SEMA6A: variants seen among roughly 807,000 people sequenced by gnomAD.
The protein encoded by SEMA6A is semaphorin 6A, also known as semaphorin-6A.
Under a neutral mutation model 96.8 loss-of-function variants are expected in SEMA6A, and 25 were observed. The ratio of observed to expected loss-of-function variants is 0.26; its 90% confidence interval spans 0.19 to 0.36. The LOEUF is 0.36. Among genes scored for constraint, SEMA6A ranks in the 10% least tolerant of loss-of-function variants. SEMA6A has a pLI of 1.00. For missense variants in SEMA6A, 1,363 were observed against 1,323.1 expected (o/e 1.03, Z -0.47); for synonymous variants, 612 against 518.0 (o/e 1.18, Z -2.46).
At chr5:116,509,533 A>AAG (rs1311171821) in intron 1 of SEMA6A, among the ~76,000 whole-genome samples, 2 of 152,114 alleles carry the variant, frequency 1.3e-5, no homozygotes, top group East Asian at 3.9e-4. Flanking sequence ...AATAGTCTAT[A>AAG]AGATTCCTCC....
intron 1 of SEMA6A, among the ~76,000 whole-genome samples, chr5:116,531,977 G>A (rs1759497335): frequency 6.6e-6 from 1 of 152,054 alleles, no homozygotes; most frequent in Admixed American, 6.6e-5. Flanking sequence ...TAGCCAATAG[G>A]GGAACAACAC....
At chr5:116,573,235 CG>C (rs1761307321) in intron 1 of SEMA6A, among the ~76,000 whole-genome samples, 1 of 152,200 alleles carries the variant, frequency 6.6e-6, no homozygotes, top group African/African-American at 2.4e-5. Flanking sequence ...AGTGAGGAGT[CG>C]GAACAGAGCC....
At chr5:116,448,981 G>C (rs922974233) in intron 18 of SEMA6A, among the ~76,000 whole-genome samples, 4 of 152,144 alleles carry the variant, frequency 2.6e-5, no homozygotes, top group African/African-American at 9.7e-5. Context: ...AAAATTATGT[G>C]ACTACACCCA....
At chr5:116,511,619 C>G (rs1222284218) in intron 1 of SEMA6A, among the ~76,000 whole-genome samples, 1 of 152,200 alleles carries the variant, frequency 6.6e-6, no homozygotes, top group South Asian at 2.1e-4. Context: ...TCCCTAATGG[C>G]TTCGGTGATA....
rs545591838 is a variant in SEMA6A at position 116,489,105 on chromosome 5, C to A, written c.536-98G>T. ...CCCTAGATTGCTTTCCAACATCAGGCAAATGAGATAGCACAACTGGGAAAA... is the reference window on the plus strand; with the variant it reads ...CCCTAGATTGCTTTCCAACATCAGGAAAATGAGATAGCACAACTGGGAAAA... On this transcript the variant is annotated intron_variant, in intron 7 of 18. Coordinates refer to ENST00000343348, the MANE Select transcript of SEMA6A (RefSeq NM_020796.5). 81 of 1,305,016 alleles carry A rather than the reference C, an allele frequency of 6.2e-5. No homozygotes were observed. The African/African-American group carries it at 1.2e-3, about 19-fold the overall frequency. 80.8% of individuals were successfully genotyped at this position (1,305,016 alleles called of 1,614,324 possible).
rs1561457914 is a variant in SEMA6A, at chr5:116,446,936, A to G, written c.2770T>C (p.Ser924Pro). Residue 924 changes from serine to proline, a missense_variant, in exon 19 of 19, where the codon TCG (serine) becomes CCG (proline). Ser to Pro is a moderately conservative substitution (Grantham distance 74, BLOSUM62 -1). Transcript: ENST00000343348. Reference protein sequence around the residue: ...VDYKRSYPTNSLTRSHQATTL... With the variant: ...VDYKRSYPTNPLTRSHQATTL... ...GTGGCCTGGTGGCTTCTCGTGAGCG[A>G]GTTCGTGGGGTAGCTCCTCTTATAG... is the stretch of plus-strand genomic sequence containing the variant. 1.9e-6 allele frequency: 3 copies of G among 1,613,768 alleles called. No individual in the cohort carries two copies. Among genetic ancestry groups the G allele is most frequent in the South Asian group, 2.2e-5 (2 of 91,070 alleles).
chr5:116,534,012 C>G (rs1377390669), intron 1 of SEMA6A, among the ~76,000 whole-genome samples: 1 of 152,210 alleles, frequency 6.6e-6, no homozygotes, highest in Non-Finnish European at 1.5e-5. Context: ...ACCTTTCTCT[C>G]CACCTTTTCT....
intron 1 of SEMA6A, chr5:116,549,994 G>C (rs1760337908): frequency 6.6e-6 from 1 of 152,136 alleles, no homozygotes; most frequent in East Asian, 1.9e-4. Flanking sequence ...GATCATGTTT[G>C]AGTCAGTGAT....
In SEMA6A at chr5:116,446,604, C is replaced by G. The variant is rs1754225374; in HGVS notation, c.*9G>C. The G allele has an allele frequency of 2.7e-6, 4 of 1,469,250 alleles. No homozygotes were observed. Among genetic ancestry groups the G allele is most frequent in the Non-Finnish European group, 3.6e-6 (4 of 1,107,728 alleles). 91.0% of individuals were successfully genotyped at this position (1,469,250 alleles called of 1,614,324 possible). On this transcript the variant is annotated 3_prime_UTR_variant, in exon 19 of 19. Transcript: ENST00000343348. ...TGCTGGTTCGACACCTGACCCCCTCCCCCTGGGATTATGTACACGCATCAT... is the reference window on the plus strand; with the variant it reads ...TGCTGGTTCGACACCTGACCCCCTCGCCCTGGGATTATGTACACGCATCAT...
At chr5:116,512,274 T>G (rs1178183344) in intron 1 of SEMA6A, among the ~76,000 whole-genome samples, 2 of 152,200 alleles carry the variant, frequency 1.3e-5, no homozygotes, top group Admixed American at 6.5e-5. Context: ...GAGGGCCGCC[T>G]GTTCAGTGAT....
intron 3 of SEMA6A, among the ~76,000 whole-genome samples, chr5:116,501,506 T>C (rs1757878793): frequency 6.6e-6 from 1 of 152,212 alleles, no homozygotes; most frequent in Admixed American, 6.5e-5. Flanking sequence ...ATGATATATA[T>C]GTTAACTGCA....
chr5:116,482,743 A>G (rs1171562100), intron 10 of SEMA6A, among the ~76,000 whole-genome samples, 168 bp from the exon 11 acceptor site: 1 of 152,220 alleles, frequency 6.6e-6, no homozygotes, highest in Non-Finnish European at 1.5e-5. Context: ...ATTTCTCTCA[A>G]TCAAATTTGC....
At chr5:116,509,593 TGTC>T (rs1758310810) in intron 1 of SEMA6A, among the ~76,000 whole-genome samples, 3 of 118,342 alleles carry the variant, frequency 2.5e-5, no homozygotes, top group Non-Finnish European at 5.1e-5. Flanking sequence ...TGAAGAAGGG[TGTC>T]TCTGTGTGTG....
At chr5:116,473,799 T>A (rs1756297293) in intron 16 of SEMA6A, among the ~76,000 whole-genome samples, 1 of 152,170 alleles carries the variant, frequency 6.6e-6, no homozygotes, top group Non-Finnish European at 1.5e-5. Flanking sequence ...AGTTCATGCT[T>A]CAGCAGGAAC....
chr5:116,566,707 G>T (rs965601620), intron 1 of SEMA6A, among the ~76,000 whole-genome samples: 7 of 152,196 alleles, frequency 4.6e-5, no homozygotes, highest in Admixed American at 1.3e-4. Context: ...GAACTTGTAT[G>T]ACTATCATTT....
At chr5:116,487,974 G>C in intron 9 of SEMA6A, 134 bp downstream of exon 9, 1 of 540,492 alleles carries the variant, frequency 1.9e-6, no homozygotes, top group Non-Finnish European at 3.3e-6. Context: ...TGAAACAGCA[G>C]ATAGGGCCTC....
At chr5:116,475,418 G>T (rs998458698) in intron 16 of SEMA6A, 127 bp downstream of exon 16, 11 of 571,694 alleles carry the variant, frequency 1.9e-5, no homozygotes, top group Admixed American at 3.4e-5. Flanking sequence ...TTTAGAAGAT[G>T]ATTTCCGTCA....
rs749401590 is a variant in SEMA6A at position 116,447,074 on chromosome 5, G to T, written c.2632C>A (p.Pro878Thr). The T allele has an allele frequency of 4.3e-6, 7 of 1,613,828 alleles. No homozygotes were observed. The highest frequency in any genetic ancestry group is 2.2e-5 in the East Asian group (1 of 44,846). The change falls in exon 19 of 19, where the codon CCC (proline) becomes ACC (threonine). Residue 878 changes from proline to threonine, a missense_variant. This residue lies in a region of SEMA6A where 883 missense variants were observed against 763.6 expected (regional missense o/e 1.16). Transcript: ENST00000343348. Reference sequence around the variant, plus strand: ...GCCTCCCGCTGTGGAACTTTGGGGGGCAGGCTGTCCAGGTTCTCCACAAGG... The same window carrying T: ...GCCTCCCGCTGTGGAACTTTGGGGGTCAGGCTGTCCAGGTTCTCCACAAGG... ...VNLVENLDSL[P>T]PKVPQREASL... is the part of the protein sequence containing the mutation.
chr5:116,489,932 C>T (rs187760569), intron 7 of SEMA6A, among the ~76,000 whole-genome samples: 5 of 152,212 alleles, frequency 3.3e-5, no homozygotes, highest in Non-Finnish European at 7.4e-5. Flanking sequence ...AAATTACTTC[C>T]GTGATTCACT....
Sources: gnomAD v4.1 joint callset for allele counts (sites outside exome capture counted in the v4.1 genomes callset) on GRCh38, gnomAD v4.1.1 for gene constraint, gnomAD v4.1.1 regional missense constraint, MANE v1.5 for transcripts, NCBI Gene and HGNC (gene_info 2026-07-23, HGNC 2026-07-21) for gene names.